Variants in FARS2 observed in about 807,000 individuals in gnomAD.
FARS2 encodes phenylalanyl-tRNA synthetase 2, mitochondrial.
FARS2 carries 40 observed loss-of-function variants against 46.4 expected under a neutral mutation model. The ratio of observed to expected loss-of-function variants is 0.86; its 90% CI spans 0.67 to 1.12. The LOEUF is 1.12. Among genes scored for constraint, FARS2 ranks in the 50% most tolerant of loss-of-function variants. The probability of loss-of-function intolerance (pLI) is 0.00; values close to 1 mark genes in which losing one functional copy is unlikely to be tolerated. For synonymous variants in FARS2, 234 were observed against 214.9 expected (o/e 1.09, Z -0.78); for missense variants, 513 against 567.9 (o/e 0.90, Z 0.98).
intron 6 of FARS2, chr6:5,668,131 G>A (rs1778238814): frequency 6.6e-6 from 1 of 152,238 alleles, no homozygotes. Context: ...CAGATGAGAG[G>A]TTTTTAAATT....
chr6:5,744,850 A>AT (rs1761548789), intron 6 of FARS2, among the ~76,000 whole-genome samples: 1 of 152,256 alleles, frequency 6.6e-6, no homozygotes, highest in East Asian at 1.9e-4. Context: ...ATAAAAATGC[A>AT]TAAAAAATAA....
chr6:5,289,571 T>C lies in FARS2; in HGVS notation c.-22+27911T>C, dbSNP rs373044042. Among the ~76,000 whole-genome samples, 9 of 152,316 alleles carry C rather than the reference T, an allele frequency of 5.9e-5. No individual in the cohort carries two copies. The South Asian group carries it at 1.5e-3, about 25-fold the overall frequency. ...AGTCTGATTGGTTGCGGAAAGGGACTAATGAGAGGCTGAAGTGAAGTTACA... is the reference window on the plus strand; with the variant it reads ...AGTCTGATTGGTTGCGGAAAGGGACCAATGAGAGGCTGAAGTGAAGTTACA... On this transcript the variant is annotated intron_variant, in intron 1 of 6. Coordinates refer to ENST00000274680, the MANE Select transcript of FARS2 (RefSeq NM_006567.5).
At chr6:5,743,932 C>T (rs1034560398) in intron 6 of FARS2, among the ~76,000 whole-genome samples, 4 of 152,226 alleles carry the variant, frequency 2.6e-5, no homozygotes, top group Admixed American at 6.5e-5. Context: ...ACTCACCGTG[C>T]GTTTCTCCTC....
At chr6:5,763,223 T>C (rs2150981015) in intron 6 of FARS2, among the ~76,000 whole-genome samples, 1 of 152,218 alleles carries the variant, frequency 6.6e-6, no homozygotes, top group East Asian at 1.9e-4. Context: ...CTGGGAATGC[T>C]GGAGGATTGC....
At chr6:5,575,872 C>T (rs1419313703) in intron 5 of FARS2, among the ~76,000 whole-genome samples, 7 of 152,106 alleles carry the variant, frequency 4.6e-5, no homozygotes, top group Admixed American at 4.6e-4. Context: ...TCATCTTGTG[C>T]ATTTTCAGTG....
At chr6:5,608,526 A>G (rs566457718) in intron 5 of FARS2, among the ~76,000 whole-genome samples, 192 of 152,270 alleles carry the variant, frequency 1.3e-3, no homozygotes, top group African/African-American at 4.5e-3. Flanking sequence ...TTTTTTGAGT[A>G]TTAAATCGTT....
At chr6:5,545,075 G>A (rs879283363) in intron 4 of FARS2, 105 bp from the exon 5 acceptor site, 142 of 1,093,212 alleles carry the variant, frequency 1.3e-4, no homozygotes, top group Admixed American at 2.7e-4. Context: ...GCCTTTGCCC[G>A]CTGGTAGGCA....
At chr6:5,278,299 C>A (rs961551234) in intron 1 of FARS2, among the ~76,000 whole-genome samples, 1 of 152,148 alleles carries the variant, frequency 6.6e-6, no homozygotes, top group African/African-American at 2.4e-5. Flanking sequence ...CTCATTAGTG[C>A]GCTTTGGTTT....
chr6:5,666,587 A>G (rs140123715), intron 6 of FARS2, among the ~76,000 whole-genome samples: 5 of 152,364 alleles, frequency 3.3e-5, no homozygotes, highest in South Asian at 2.1e-4. Flanking sequence ...AAGACAGACA[A>G]ACAGACAAAA....
chr6:5,546,859 C>T (rs1041573520), intron 5 of FARS2, among the ~76,000 whole-genome samples: 11 of 151,870 alleles, frequency 7.2e-5, no homozygotes, highest in African/African-American at 2.4e-4. Flanking sequence ...TTTCATTTAT[C>T]TACTGAAATG....
At chr6:5,306,681 G>A (rs925229623) in intron 1 of FARS2, among the ~76,000 whole-genome samples, 1 of 152,120 alleles carries the variant, frequency 6.6e-6, no homozygotes, top group African/African-American at 2.4e-5. Context: ...CTTTCTGGGA[G>A]AGCAAAAAGA....
In FARS2 at chr6:5,424,743, T is replaced by G. The variant is rs148453027; in HGVS notation, c.773-6298T>G. Among the ~76,000 whole-genome samples the G allele has an allele frequency of 2.4e-4, 37 of 152,330 alleles. 2 individuals carry two copies. The highest frequency in any genetic ancestry group is 2.1e-3 in the Admixed American group (32 of 15,296). ...AATGAGATGGATCCTGTTATAGTAT[T>G]TTGATTTTGAACCTTGTGAACATAT... On this transcript the variant is annotated intron_variant, in intron 3 of 6. Coordinates refer to ENST00000274680, the MANE Select transcript of FARS2 (RefSeq NM_006567.5).
At chr6:5,523,177 G>A (rs757263383) in intron 4 of FARS2, among the ~76,000 whole-genome samples, 12 of 152,108 alleles carry the variant, frequency 7.9e-5, no homozygotes, top group Admixed American at 3.9e-4. Flanking sequence ...AACTTTCCTC[G>A]TCATTTTCAT....
chr6:5,753,939 A>G (rs1409458261), intron 6 of FARS2, among the ~76,000 whole-genome samples: 1 of 152,252 alleles, frequency 6.6e-6, no homozygotes, highest in Non-Finnish European at 1.5e-5. Context: ...TGTCTAACAC[A>G]TGGCACCGAA....
At chr6:5,623,177 A>C (rs7743714) in intron 6 of FARS2, among the ~76,000 whole-genome samples, 91,339 of 152,004 alleles carry the variant, frequency 0.6, 27,780 homozygotes, top group African/African-American at 0.69. Context: ...TTGAAAATTT[A>C]AGACAGTTTC....
In FARS2 at chr6:5,689,684, G is replaced by C. The variant is rs1376227977; in HGVS notation, c.1217+76364G>C. Among the ~76,000 whole-genome samples, 7 of 152,076 alleles carry C rather than the reference G, an allele frequency of 4.6e-5. No individual in the cohort carries two copies. In the East Asian group the frequency reaches 1.4e-3, roughly 29 times the overall value. ...AAAAAATGTATATTCTGTTGATTTG[G>C]GGTGGTGAGTTCTGTAGATGTCTAT... On this transcript the variant is annotated intron_variant, in intron 6 of 6. Transcript: ENST00000274680.
chr6:5,708,112 A>G (rs757477016), intron 6 of FARS2, among the ~76,000 whole-genome samples: 2 of 152,182 alleles, frequency 1.3e-5, no homozygotes, highest in Non-Finnish European at 2.9e-5. Context: ...GTGTGGTTGT[A>G]GAACAGTGAA....
chr6:5,469,111 T>TTCA (rs1765671355), intron 4 of FARS2, among the ~76,000 whole-genome samples: 2 of 152,244 alleles, frequency 1.3e-5, no homozygotes, highest in Non-Finnish European at 2.9e-5. Flanking sequence ...CACAGATGTC[T>TTCA]TCACAGAAAC....
intron 6 of FARS2, among the ~76,000 whole-genome samples, chr6:5,686,501 C>A (rs1757236315): frequency 6.6e-6 from 1 of 152,138 alleles, no homozygotes; most frequent in South Asian, 2.1e-4. Context: ...TGGTTTCCAG[C>A]TTCATCCATG....
Sources: gnomAD v4.1 joint callset for allele counts (sites outside exome capture counted in the v4.1 genomes callset) on GRCh38, gnomAD v4.1.1 for gene constraint, MANE v1.5 for transcripts, NCBI Gene and HGNC (gene_info 2026-07-23, HGNC 2026-07-21) for gene names.